FGF12: variants seen among roughly 807,000 people sequenced by gnomAD.
FGF12 encodes fibroblast growth factor 12, also known as fibroblast growth factor 12B.
In FGF12, 14 loss-of-function variants were observed where a neutral mutation model predicts 23.6. The observed-to-expected ratio is 0.59, with a 90% confidence interval of 0.39 to 0.93. FGF12 has a LOEUF of 0.93. Among genes scored for constraint, FGF12 ranks in the 40% least tolerant of loss-of-function variants. The probability of loss-of-function intolerance (pLI) is 0.00; values close to 1 mark genes in which losing one functional copy is unlikely to be tolerated. For synonymous variants in FGF12, 62 were observed against 77.3 expected, an observed-to-expected ratio of 0.80 and a Z score of 1.04; for missense variants, 175 against 217.8, an observed-to-expected ratio of 0.80 and a Z score of 1.24.
At chr3:192,306,099 A>G (rs562711309) in intron 4 of FGF12, among the ~76,000 whole-genome samples, 1 of 152,180 alleles carries the variant, frequency 6.6e-6, no homozygotes, top group South Asian at 2.1e-4. Context: ...TGACCTCGTG[A>G]TCCACCTGTC....
chr3:192,583,603 A>AG (rs1713251466), intron 2 of FGF12, among the ~76,000 whole-genome samples: 20 of 152,176 alleles, frequency 1.3e-4, no homozygotes, highest in Admixed American at 1.3e-3. Flanking sequence ...AAAATGGATC[A>AG]GAAAAAAAAA....
rs1262906611 is a variant in FGF12, at chr3:192,647,715, ATATATATACACATATATACATACATG to A, written c.13+79440_13+79465del. Among the ~76,000 whole-genome samples the A allele has an allele frequency of 1.1e-4, 15 of 137,714 alleles. No individual in the cohort carries two copies. The South Asian group carries it at 2.1e-3, about 20-fold the overall frequency. 90.3% of individuals were successfully genotyped at this position (137,714 alleles called of 152,430 possible). On this transcript the variant is annotated intron_variant, in intron 2 of 5. Coordinates refer to ENST00000445105, the MANE Select transcript of FGF12 (RefSeq NM_004113.6). The stretch of plus-strand genomic sequence containing the variant: ...TATGTATATATGTGTATATATACAT[ATATATATACACATATATACATACATG>A]TATATATACACATATATATATACAC...
In FGF12 at chr3:192,514,896, G is replaced by A. The variant is rs1245292790; in HGVS notation, c.14-154358C>T. ...TGGAGGGGAGTTTGCACATGGAGCC[G>A]GAGGGAGCCCGGGCGCCGGCAGGGG... is the stretch of plus-strand genomic sequence containing the variant. On this transcript the variant is annotated intron_variant, in intron 2 of 5. Coordinates refer to ENST00000445105, the MANE Select transcript of FGF12 (RefSeq NM_004113.6). The surrounding 1 kb of genome is among the most constrained non-coding windows in gnomAD (Gnocchi z 4.9). The A allele has an allele frequency of 4.1e-6, 4 of 984,970 alleles. No individual in the cohort carries two copies. The highest frequency in any genetic ancestry group is 6.1e-5 in the Admixed American group (1 of 16,268). 61.0% of individuals were successfully genotyped at this position (984,970 alleles called of 1,614,324 possible).
chr3:192,186,932 C>T (rs947122377), intron 4 of FGF12, among the ~76,000 whole-genome samples: 2 of 152,164 alleles, frequency 1.3e-5, no homozygotes, highest in African/African-American at 4.8e-5. Context: ...ATTTTTAATT[C>T]TCTTCTCCTT....
chr3:192,647,753 ATATATATATACACACAC>A (rs747910022), intron 2 of FGF12, among the ~76,000 whole-genome samples: 2 of 149,882 alleles, frequency 1.3e-5, no homozygotes, highest in East Asian at 1.9e-4. Context: ...ATATATACAC[ATATATATATACACACAC>A]TATATATATA....
chr3:192,467,481 C>T (rs983666471), intron 2 of FGF12, among the ~76,000 whole-genome samples: 1 of 152,084 alleles, frequency 6.6e-6, no homozygotes, highest in Non-Finnish European at 1.5e-5. Context: ...GACTGTGCGC[C>T]GAACAGGTGA....
At chr3:192,500,778 T>C (rs956897678) in intron 2 of FGF12, among the ~76,000 whole-genome samples, 3 of 152,224 alleles carry the variant, frequency 2.0e-5, no homozygotes, top group Admixed American at 6.5e-5. Flanking sequence ...GCTTTGCATA[T>C]ATTAACTCAT....
intron 2 of FGF12, among the ~76,000 whole-genome samples, chr3:192,617,375 G>GA (rs1283250780): frequency 2.0e-5 from 3 of 152,076 alleles, no homozygotes; most frequent in African/African-American, 7.2e-5. Flanking sequence ...TCCACGGAGA[G>GA]AGTGGGGTTC....
intron 2 of FGF12, among the ~76,000 whole-genome samples, chr3:192,716,526 A>G (rs2108743522): frequency 6.6e-6 from 1 of 152,350 alleles, no homozygotes; most frequent in African/African-American, 2.4e-5. Flanking sequence ...CCACAGCTGC[A>G]TGGCATTCTC....
chr3:192,178,584 C>T (rs2108629991), intron 4 of FGF12, among the ~76,000 whole-genome samples: 2 of 152,230 alleles, frequency 1.3e-5, no homozygotes, highest in South Asian at 2.1e-4. Flanking sequence ...CTGCAACCTC[C>T]ACCTCCCTGG....
rs1282033445 is a variant in FGF12, at chr3:192,139,542, T to A, written c.*4467A>T. Reference sequence around the variant, plus strand: ...CTAATACCAATTCTAGCCATGGGAGTATGTTTTGGACTTTTTGAACAATTT... The same window carrying A: ...CTAATACCAATTCTAGCCATGGGAGAATGTTTTGGACTTTTTGAACAATTT... On this transcript the variant is annotated 3_prime_UTR_variant, in exon 6 of 6. Coordinates refer to ENST00000445105, the MANE Select transcript of FGF12 (RefSeq NM_004113.6). 1 of 152,112 alleles carries A rather than the reference T, an allele frequency of 6.6e-6. No individual in the cohort carries two copies. The highest frequency in any genetic ancestry group is 2.4e-5 in the African/African-American group (1 of 41,450). The allele number at this position is 152,112 out of a possible 1,614,324, so 9.4% of individuals were successfully genotyped here. A position where few individuals can be genotyped will look rare whatever the true frequency, so the allele number is the denominator to read the frequency against.
chr3:192,217,133 T>C (rs997899113), intron 4 of FGF12, among the ~76,000 whole-genome samples: 4 of 152,208 alleles, frequency 2.6e-5, no homozygotes, highest in Non-Finnish European at 4.4e-5. Context: ...TTTCTGGCAC[T>C]GTGCAAGTCA....
chr3:192,335,947 A>G (rs964675188), intron 3 of FGF12, among the ~76,000 whole-genome samples: 1 of 152,156 alleles, frequency 6.6e-6, no homozygotes, highest in Non-Finnish European at 1.5e-5. Context: ...ACACAGAAGA[A>G]GAATGCAAAA....
At chr3:192,717,483 A>G (rs1362733080) in intron 2 of FGF12, among the ~76,000 whole-genome samples, 3 of 152,236 alleles carry the variant, frequency 2.0e-5, no homozygotes, top group Non-Finnish European at 4.4e-5. Flanking sequence ...AATGTTTGAC[A>G]TGAATAAAGC....
In FGF12 at chr3:192,664,586, TAAAAATACAAA is replaced by T. The variant is rs1229763177; in HGVS notation, c.13+62584_13+62594del. Among the ~76,000 whole-genome samples, 3 of 47,278 alleles carry T rather than the reference TAAAAATACAAA, an allele frequency of 6.3e-5. 1 individual carries two copies. The highest frequency in any genetic ancestry group is 1.9e-4 in the African/African-American group (2 of 10,802). 31.0% of individuals were successfully genotyped at this position (47,278 alleles called of 152,430 possible). A position where few individuals can be genotyped will look rare whatever the true frequency, so the allele number is the denominator to read the frequency against. Reference sequence around the variant, plus strand: ...TAAAATGATGAAACCCTGTCTCTACTAAAAATACAAAAAAAATACAAAAAAAAAAAAAAGCT... The same window carrying T: ...TAAAATGATGAAACCCTGTCTCTACTAAAAATACAAAAAAAAAAAAAAGCT... On this transcript the variant is annotated intron_variant, in intron 2 of 5. Transcript: ENST00000445105.
At chr3:192,242,991 A>G (rs1030402635) in intron 4 of FGF12, among the ~76,000 whole-genome samples, 3 of 152,080 alleles carry the variant, frequency 2.0e-5, no homozygotes, top group Non-Finnish European at 4.4e-5. Context: ...GTATACAAAT[A>G]ACCTCTATTA....
intron 4 of FGF12, among the ~76,000 whole-genome samples, chr3:192,199,618 A>G (rs1006470608): frequency 9.2e-5 from 14 of 152,224 alleles, no homozygotes; most frequent in African/African-American, 3.4e-4. Context: ...GTTTAGGAAT[A>G]AAGGATAATT....
chr3:192,686,384 G>A (rs1172210856), intron 2 of FGF12, among the ~76,000 whole-genome samples: 1 of 152,134 alleles, frequency 6.6e-6, no homozygotes, highest in Non-Finnish European at 1.5e-5. Flanking sequence ...TTAGCGAGGA[G>A]AGTCACTGAA....
At chr3:192,233,211 A>G (rs1719115495) in intron 4 of FGF12, among the ~76,000 whole-genome samples, 1 of 152,090 alleles carries the variant, frequency 6.6e-6, no homozygotes, top group South Asian at 2.1e-4. Context: ...CCCCACCAGC[A>G]TCTGTTATTT....
Sources: allele counts gnomAD v4.1 joint callset (sites outside exome capture counted in the v4.1 genomes callset), GRCh38; gene constraint gnomAD v4.1.1; non-coding constraint Gnocchi (gnomAD v3.1); transcripts MANE v1.5; gene names NCBI Gene and HGNC (gene_info 2026-07-23, HGNC 2026-07-21).